TRIM33: variants seen among roughly 807,000 people sequenced by gnomAD.
The protein encoded by TRIM33 is tripartite motif containing 33.
In TRIM33, 20 loss-of-function variants were observed where a neutral mutation model predicts 125.4. The ratio of observed to expected loss-of-function variants is 0.16; its 90% CI spans 0.11 to 0.23. The LOEUF (loss-of-function observed/expected upper bound fraction) is 0.23. TRIM33 is among the 10% of genes least tolerant of loss of function. The pLI is 1.00. For missense variants in TRIM33, 920 were observed against 1,411.4 expected (o/e 0.65, Z 5.58); for synonymous variants, 564 against 513.9 (o/e 1.10, Z -1.32).
chr1:114,433,692 G>A lies in TRIM33; in HGVS notation c.965C>T (p.Ala322Val), dbSNP rs760591332. The A allele has an allele frequency of 9.0e-5, 145 of 1,610,074 alleles. 1 individual carries two copies. The East Asian group carries it at 3.2e-3, about 35-fold the overall frequency. Residue 322 changes from alanine (A) to valine (V), a missense_variant, in exon 5 of 20, where the codon GCA becomes GTA. By Grantham distance (64) the Ala-to-Val change is moderately conservative. Transcript: ENST00000358465. ...LEEAFQNQKGAIENLLAKLLE... is the reference protein window; with the variant it reads ...LEEAFQNQKGVIENLLAKLLE... The stretch of plus-strand genomic sequence containing the variant: ...AAGTTTCGCCAGTAGATTCTCAATT[G>A]CACCCTTCTGATTTTGAAAAGCTTC...
intron 13 of TRIM33, among the ~76,000 whole-genome samples, chr1:114,408,421 T>A (rs569653580): frequency 6.6e-6 from 1 of 152,176 alleles, no homozygotes; most frequent in African/African-American, 2.4e-5. Flanking sequence ...TCTGTGGTTA[T>A]AAATTTTTAA....
intron 11 of TRIM33, among the ~76,000 whole-genome samples, chr1:114,421,127 C>A (rs1324566305): frequency 6.6e-6 from 1 of 151,952 alleles, no homozygotes; most frequent in African/African-American, 2.4e-5. Flanking sequence ...CAGCCAGGCA[C>A]CGAAAGACAA....
chr1:114,494,712 T>C (rs776217003), intron 1 of TRIM33, among the ~76,000 whole-genome samples: 21 of 152,248 alleles, frequency 1.4e-4, no homozygotes, highest in Admixed American at 3.9e-4. Flanking sequence ...TGTTGGACTT[T>C]ACCGGTTCTC....
At chr1:114,446,560 T>A (rs1159594764) in intron 4 of TRIM33, among the ~76,000 whole-genome samples, 1 of 151,796 alleles carries the variant, frequency 6.6e-6, no homozygotes, top group African/African-American at 2.4e-5. Flanking sequence ...TCGCTAAAAA[T>A]AATAAAGTAC....
At chr1:114,398,529 A>G (rs1477250482) in intron 18 of TRIM33, among the ~76,000 whole-genome samples, 1 of 152,166 alleles carries the variant, frequency 6.6e-6, no homozygotes, top group Non-Finnish European at 1.5e-5. Flanking sequence ...GATTTTACTA[A>G]TATACTCTGT....
chr1:114,500,856 G>A (rs1652666913), intron 1 of TRIM33, among the ~76,000 whole-genome samples: 1 of 152,032 alleles, frequency 6.6e-6, no homozygotes, highest in African/African-American at 2.4e-5. Context: ...AAAAATTAAT[G>A]ACTTAAAACA....
intron 1 of TRIM33, among the ~76,000 whole-genome samples, chr1:114,506,107 G>A (rs554238591): frequency 2.0e-5 from 3 of 152,150 alleles, no homozygotes; most frequent in Non-Finnish European, 4.4e-5. Flanking sequence ...ACCGAGGCCA[G>A]GTGGTGCCTC....
At chr1:114,499,036 C>CTGGT (rs1252957969) in intron 1 of TRIM33, among the ~76,000 whole-genome samples, 1 of 152,106 alleles carries the variant, frequency 6.6e-6, no homozygotes, top group Non-Finnish European at 1.5e-5. Context: ...TGAAACCCAA[C>CTGGT]TGGGGTTGTA....
At chr1:114,471,726 G>A (rs1557885606) in intron 1 of TRIM33, among the ~76,000 whole-genome samples, 1 of 152,068 alleles carries the variant, frequency 6.6e-6, no homozygotes, top group Non-Finnish European at 1.5e-5. Flanking sequence ...TAGGAATAGT[G>A]GGAATACTGT....
intron 18 of TRIM33, 131 bp from the exon 19 acceptor site, chr1:114,398,121 T>C (rs985003742): frequency 3.4e-6 from 3 of 894,666 alleles, no homozygotes; most frequent in Middle Eastern, 3.4e-4. Flanking sequence ...CCAGATAAAG[T>C]GCTTTTCTAA....
intron 4 of TRIM33, among the ~76,000 whole-genome samples, chr1:114,446,377 T>G (rs1648978736): frequency 6.6e-6 from 1 of 150,970 alleles, no homozygotes; most frequent in African/African-American, 2.4e-5. Context: ...AAAGACAGCT[T>G]TTTTTTTTAA....
At chr1:114,443,300 C>A (rs963572200) in intron 4 of TRIM33, among the ~76,000 whole-genome samples, 6 of 152,134 alleles carry the variant, frequency 3.9e-5, no homozygotes, top group African/African-American at 1.4e-4. Flanking sequence ...GGGAGAATCG[C>A]TTGAACTCAA....
In TRIM33 at chr1:114,457,082, A is replaced by G. The variant is rs534616435; in HGVS notation, c.923+6022T>C. Among the ~76,000 whole-genome samples, 14 of 152,310 alleles carry G rather than the reference A, an allele frequency of 9.2e-5. No individual in the cohort carries two copies. In the East Asian group the frequency reaches 1.5e-3, roughly 17 times the overall value. ...CCGTGTTTTGAAGGACACATATTCCATATCTGGGAATACTGCTTGCTCCTA... is the reference window on the plus strand; with the variant it reads ...CCGTGTTTTGAAGGACACATATTCCGTATCTGGGAATACTGCTTGCTCCTA... On this transcript the variant is annotated intron_variant, in intron 4 of 19. Coordinates refer to ENST00000358465, the MANE Select transcript of TRIM33 (RefSeq NM_015906.4).
intron 1 of TRIM33, among the ~76,000 whole-genome samples, chr1:114,471,018 C>T (rs1054470092): frequency 6.6e-6 from 1 of 152,134 alleles, no homozygotes; most frequent in African/African-American, 2.4e-5. Flanking sequence ...AGGCTGGTCT[C>T]GAACTCCTGG....
chr1:114,489,636 T>G (rs1369973058), intron 1 of TRIM33, among the ~76,000 whole-genome samples: 1 of 151,808 alleles, frequency 6.6e-6, no homozygotes, highest in Non-Finnish European at 1.5e-5. Flanking sequence ...TCCCAGCTAC[T>G]TGGGAGGCTG....
At chr1:114,485,923 A>T (rs1343432219) in intron 1 of TRIM33, among the ~76,000 whole-genome samples, 1 of 152,248 alleles carries the variant, frequency 6.6e-6, no homozygotes, top group Non-Finnish European at 1.5e-5. Flanking sequence ...ATGATCAGAT[A>T]TCACATATTA....
Position 114,408,722 on chromosome 1 carries a change from G to A in TRIM33, c.2213C>T (p.Thr738Ile). 6.2e-7 allele frequency: 1 copy of A among 1,603,086 alleles called. No homozygotes were observed. Among genetic ancestry groups the A allele is most frequent in the Non-Finnish European group, 8.5e-7 (1 of 1,173,352 alleles). Residue 738 changes from threonine to isoleucine, a missense_variant, in exon 13 of 20, where the codon ACA becomes ATA. Coordinates refer to ENST00000358465, the MANE Select transcript of TRIM33 (RefSeq NM_015906.4). Reference protein sequence around the residue: ...PGSSGLSNSHTPVRPPSTSST... With the variant: ...PGSSGLSNSHIPVRPPSTSST... ...AGAAGTACTTGGGGGTCTCACAGGTGTGTGAGAATTGGATAAACCTAAAAA... is the reference window on the plus strand; with the variant it reads ...AGAAGTACTTGGGGGTCTCACAGGTATGTGAGAATTGGATAAACCTAAAAA...
intron 10 of TRIM33, among the ~76,000 whole-genome samples, chr1:114,423,302 T>C (rs1647326274): frequency 6.6e-6 from 1 of 152,158 alleles, no homozygotes; most frequent in South Asian, 2.1e-4. Flanking sequence ...GGCTAATCTA[T>C]ATCTATCAAA....
chr1:114,501,595 T>C lies in TRIM33; in HGVS notation c.526+8956A>G, dbSNP rs373791248. 3.3e-5 allele frequency among the ~76,000 whole-genome samples: 5 copies of C among 152,108 alleles called. No homozygotes were observed. In the South Asian group the frequency reaches 1.0e-3, roughly 32 times the overall value. Reference sequence around the variant, plus strand: ...GCCTTGAGCAACTGGACAGCAACCATACAACGGTGTGAATAACAGGAGAAA... The same window carrying C: ...GCCTTGAGCAACTGGACAGCAACCACACAACGGTGTGAATAACAGGAGAAA... On this transcript the variant is annotated intron_variant, in intron 1 of 19. Coordinates refer to ENST00000358465, the MANE Select transcript of TRIM33 (RefSeq NM_015906.4).
Sources: gnomAD v4.1 joint callset for allele counts (sites outside exome capture counted in the v4.1 genomes callset) on GRCh38, gnomAD v4.1.1 for gene constraint, MANE v1.5 for transcripts, NCBI Gene and HGNC (gene_info 2026-07-23, HGNC 2026-07-21) for gene names.